Variants in FSCN2 observed in about 807,000 individuals in gnomAD.
FSCN2 encodes the protein fascin-2.
Under a neutral mutation model 37.8 loss-of-function variants are expected in FSCN2, and 46 were observed. That is an observed-to-expected ratio of 1.22 (90% CI 0.96 to 1.56). The LOEUF is 1.56. FSCN2 is among the 40% of genes most tolerant of loss of function. The pLI, the probability that FSCN2 is intolerant of heterozygous loss-of-function variation, is 0.00. For synonymous variants in FSCN2, 351 were observed against 309.4 expected (o/e 1.13, Z -1.41); for missense variants, 844 against 730.4 (o/e 1.16, Z -1.79).
At position 81,535,038 on chromosome 17, in the gene FSCN2, T is replaced by C; in HGVS notation, c.827-14T>C. 1 of 1,516,834 alleles carries C rather than the reference T, an allele frequency of 6.6e-7. No homozygotes were observed. The highest frequency in any genetic ancestry group is 8.8e-7 in the Non-Finnish European group (1 of 1,136,058). 94.0% of individuals were successfully genotyped at this position (1,516,834 alleles called of 1,614,324 possible). A position where few individuals can be genotyped will look rare whatever the true frequency, so the allele number is the denominator to read the frequency against. On this transcript the variant is annotated splice_polypyrimidine_tract_variant and intron_variant, in intron 1 of 4. Coordinates refer to ENST00000417245, the MANE Select transcript of FSCN2 (RefSeq NM_012418.4). Reference sequence around the variant, plus strand: ...AGGAGAGGCGTGAGGGGCTTCCCCATCTCCTCCCTCCAGGGGTCAACGTCT... The same window carrying C: ...AGGAGAGGCGTGAGGGGCTTCCCCACCTCCTCCCTCCAGGGGTCAACGTCT...
the FSCN2 span, among the ~76,000 whole-genome samples, chr17:81,522,027 TCTCA>T: frequency 6.6e-6 from 1 of 151,962 alleles, no homozygotes; most frequent in Non-Finnish European, 1.5e-5. Flanking sequence ...TGAAACGGAG[TCTCA>T]CTCTGCACTC....
Position 81,528,503 on chromosome 17 carries a change from G to C in FSCN2, c.-29G>C. 1 of 1,529,742 alleles carries C rather than the reference G, an allele frequency of 6.5e-7. No homozygotes were observed. The highest frequency in any genetic ancestry group is 1.9e-5 in the Admixed American group (1 of 52,192). 94.8% of individuals were successfully genotyped at this position (1,529,742 alleles called of 1,614,324 possible). A position where few individuals can be genotyped will look rare whatever the true frequency, so the allele number is the denominator to read the frequency against. ...TGAGCACTCAGAGGGCGCATCCCAGGCCCCTCCGGGGACCCGGCCAGCCTG... is the reference window on the plus strand; with the variant it reads ...TGAGCACTCAGAGGGCGCATCCCAGCCCCCTCCGGGGACCCGGCCAGCCTG... On this transcript the variant is annotated 5_prime_UTR_variant, in exon 1 of 5. Coordinates refer to ENST00000417245, the MANE Select transcript of FSCN2 (RefSeq NM_012418.4).
the FSCN2 span, among the ~76,000 whole-genome samples, chr17:81,516,006 G>A: frequency 6.6e-6 from 1 of 152,244 alleles, no homozygotes; most frequent in Admixed American, 6.5e-5. Flanking sequence ...CACCATGCCT[G>A]GCTAATTTTT....
chr17:81,529,667 A>G (rs1240179035), intron 1 of FSCN2: 2 of 624,040 alleles, frequency 3.2e-6, no homozygotes, highest in Non-Finnish European at 6.1e-6. Context: ...GAGACTGGAG[A>G]GGTGTGGGCC....
chr17:81,522,152 G>A, the FSCN2 span, among the ~76,000 whole-genome samples: 6 of 152,070 alleles, frequency 3.9e-5, no homozygotes, highest in South Asian at 2.1e-4. Context: ...GATTACAGGC[G>A]TGGACCACCA....
At chr17:81,523,585 G>C (rs554007198), upstream of FSCN2, 2 of 152,632 alleles carry the variant, frequency 1.3e-5, no homozygotes, top group East Asian at 3.9e-4. Flanking sequence ...CAGGGCCAAG[G>C]GGACAACAGA....
chr17:81,532,615 T>C (rs1453031353), intron 1 of FSCN2, among the ~76,000 whole-genome samples: 4 of 144,358 alleles, frequency 2.8e-5, no homozygotes, highest in African/African-American at 1.1e-4. Context: ...GTGATGGTGA[T>C]GATAATGGTG....
upstream of FSCN2, among the ~76,000 whole-genome samples, chr17:81,525,288 T>G (rs1489191701): frequency 2.0e-5 from 3 of 151,302 alleles, no homozygotes; most frequent in Non-Finnish European, 4.4e-5. Context: ...TAGCGGGGCG[T>G]GGTGGTGGGC....
chr17:81,524,918 CA>C (rs2032304003), upstream of FSCN2, among the ~76,000 whole-genome samples: 4 of 150,026 alleles, frequency 2.7e-5, no homozygotes, highest in Admixed American at 1.3e-4. Flanking sequence ...CACACACACA[CA>C]CCACACTCAC....
chr17:81,517,804 G>A, the FSCN2 span, among the ~76,000 whole-genome samples: 8 of 136,506 alleles, frequency 5.9e-5, no homozygotes, highest in South Asian at 2.5e-4. Flanking sequence ...CAGAGGCAGC[G>A]AGGCCTGAAG....
rs199599072 is a variant in FSCN2, at chr17:81,528,741, G to C, written c.210G>C (p.Ser70=). Residue 70 remains serine, a synonymous_variant, in exon 1 of 5, where the codon TCG becomes TCC. Transcript: ENST00000417245. ...GCAGCCACCTGGGCCGCTACCTGTC[G>C]GCAGAAGAGGACGGGCGCGTGGCCT... The part of the protein sequence containing the change: ...LRSSHLGRYL[S]AEEDGRVACE... 6.3e-7 allele frequency: 1 copy of C among 1,592,872 alleles called. No individual in the cohort carries two copies. Among genetic ancestry groups the C allele is most frequent in the South Asian group, 1.1e-5 (1 of 88,162 alleles).
chr17:81,528,892 T>C lies in FSCN2; in HGVS notation c.361T>C (p.Phe121Leu), dbSNP rs1281245551. 3 of 1,578,178 alleles carry C rather than the reference T, an allele frequency of 1.9e-6. No individual in the cohort carries two copies. The African/African-American group carries it at 4.0e-5, about 21-fold the overall frequency. The change falls in exon 1 of 5, where the codon TTC becomes CTC. Residue 121 changes from phenylalanine (F) to leucine (L), a missense_variant. Transcript: ENST00000417245. ...FGGTEDQLSC[F>L]ATAVSPAELW... The stretch of plus-strand genomic sequence containing the variant: ...AGGCACCGAGGACCAGCTGTCCTGC[T>C]TCGCCACAGCCGTTTCCCCGGCCGA...
the FSCN2 span, among the ~76,000 whole-genome samples, chr17:81,519,726 G>C: frequency 6.6e-6 from 1 of 152,190 alleles, no homozygotes; most frequent in Non-Finnish European, 1.5e-5. Context: ...ACGCGGAAAA[G>C]TGGGATGGGG....
chr17:81,516,279 G>A, the FSCN2 span, among the ~76,000 whole-genome samples: 1 of 152,258 alleles, frequency 6.6e-6, no homozygotes, highest in Non-Finnish European at 1.5e-5. Context: ...AGTTATGGCA[G>A]TTGTCCCATG....
At chr17:81,523,296 C>A in the FSCN2 span, among the ~76,000 whole-genome samples, 2 of 152,214 alleles carry the variant, frequency 1.3e-5, no homozygotes, top group Admixed American at 6.5e-5. Flanking sequence ...TTCATTCCAA[C>A]CCTGCCCTGC....
rs782382783 is a variant in FSCN2, at chr17:81,528,740, C to A, written c.209C>A (p.Ser70Ter). 6.3e-7 allele frequency: 1 copy of A among 1,593,394 alleles called. No homozygotes were observed. Among genetic ancestry groups the A allele is most frequent in the Non-Finnish European group, 8.5e-7 (1 of 1,171,158 alleles). ...LRSSHLGRYL[S>*]AEEDGRVACE... ...AGCAGCCACCTGGGCCGCTACCTGT[C>A]GGCAGAAGAGGACGGGCGCGTGGCC... The change falls in exon 1 of 5, where the codon TCG becomes TAG. Residue 70 changes from serine to a stop codon, truncating the protein, a stop_gained. Coordinates refer to ENST00000417245, the MANE Select transcript of FSCN2 (RefSeq NM_012418.4). LOFTEE classifies it high-confidence loss of function.
rs761410294 is a variant in FSCN2, at chr17:81,536,732, C to G, written c.1216C>G (p.Arg406Gly). The G allele has an allele frequency of 1.2e-5, 20 of 1,611,026 alleles. No homozygotes were observed. Among genetic ancestry groups the G allele is most frequent in the Non-Finnish European group, 1.6e-5 (19 of 1,179,362 alleles). The change falls in exon 4 of 5, where the codon CGC becomes GGC. Residue 406 changes from arginine (R) to glycine (G), a missense_variant. Physicochemically the swap from Arg to Gly is moderately radical, Grantham distance 125. Transcript: ENST00000417245. ...HRGSNQLDTN[R>G]SVYDVFHLSF... ...CGGCTCCAACCAGCTGGACACCAAC[C>G]GCTCCGTCTACGACGTCTTCCACCT...
upstream of FSCN2, among the ~76,000 whole-genome samples, chr17:81,526,461 T>C (rs545346236): frequency 1.6e-4 from 24 of 152,226 alleles, no homozygotes; most frequent in African/African-American, 5.3e-4. Context: ...TGAAACCCCA[T>C]CTCTACTAAA....
chr17:81,533,027 C>T lies in FSCN2; in HGVS notation c.827-2025C>T, dbSNP rs142850259. The stretch of plus-strand genomic sequence containing the variant: ...GATTGGCGGCCAGGGCTGTAGGGAG[C>T]GGGACATGGCATCTCAGTCCTGGGG... On this transcript the variant is annotated intron_variant, in intron 1 of 4. Transcript: ENST00000417245. 3.3e-3 allele frequency among the ~76,000 whole-genome samples: 508 copies of T among 152,214 alleles called. 3 individuals carry two copies. The highest frequency in any genetic ancestry group is 0.011 in the African/African-American group (476 of 41,506).
Sources: gnomAD v4.1 joint callset for allele counts (sites outside exome capture counted in the v4.1 genomes callset) on GRCh38, gnomAD v4.1.1 for gene constraint, MANE v1.5 for transcripts, NCBI Gene and HGNC (gene_info 2026-07-23, HGNC 2026-07-21) for gene names.